The following RBFOX1 variants were observed in gnomAD, a reference collection of about 807,000 sequenced individuals.
RBFOX1 encodes RNA binding protein fox-1 homolog 1.
RBFOX1 carries 8 observed loss-of-function variants against 57.7 expected under a neutral mutation model. The ratio of observed to expected loss-of-function variants is 0.14; its 90% CI spans 0.08 to 0.25. The LOEUF (loss-of-function observed/expected upper bound fraction) is 0.25. Among genes scored for constraint, RBFOX1 ranks in the 10% least tolerant of loss-of-function variants. RBFOX1 has a pLI of 1.00. For missense variants in RBFOX1, 611 were observed against 548.5 expected (o/e 1.11, Z -1.14); for synonymous variants, 326 against 222.4 (o/e 1.47, Z -4.15).
At position 6,643,314 on chromosome 16, in the gene RBFOX1, T is replaced by C. The variant is rs1335556680; in HGVS notation, c.-63-11289T>C. Among the ~76,000 whole-genome samples, 6 of 152,176 alleles carry C rather than the reference T, an allele frequency of 3.9e-5. 1 individual carries two copies. Among genetic ancestry groups the C allele is most frequent in the African/African-American group, 1.4e-4 (6 of 41,442 alleles). ...GTGATATTGCAGGTGCTGAGCTAAT[T>C]TGTGAATGGAAAAGGAAGTGAATAA... On this transcript the variant is annotated intron_variant, in intron 2 of 15. Transcript: ENST00000550418.
At chr16:7,545,557 G>C (rs1178182589) in intron 5 of RBFOX1, among the ~76,000 whole-genome samples, 3 of 152,136 alleles carry the variant, frequency 2.0e-5, no homozygotes. Flanking sequence ...ATTTCTTAGA[G>C]CTTAGGTAGA....
chr16:5,290,697 G>T (rs1366236811), intron 1 of RBFOX1, among the ~76,000 whole-genome samples: 1 of 108,968 alleles, frequency 9.2e-6, no homozygotes, highest in Non-Finnish European at 2.0e-5. Context: ...GCAGATTTAA[G>T]GGACTTTTTT....
At chr16:5,353,980 C>T (rs1176482185) in intron 1 of RBFOX1, among the ~76,000 whole-genome samples, 2 of 152,044 alleles carry the variant, frequency 1.3e-5, no homozygotes, top group South Asian at 2.1e-4. Flanking sequence ...GGAGGGGCCA[C>T]TAGCTCAGCT....
intron 3 of RBFOX1, among the ~76,000 whole-genome samples, chr16:6,677,828 C>T (rs2058003294): frequency 6.6e-6 from 1 of 152,094 alleles, no homozygotes; most frequent in South Asian, 2.1e-4. Context: ...TATGTATCTA[C>T]CAGTGACTTT....
intron 4 of RBFOX1, among the ~76,000 whole-genome samples, chr16:7,270,982 A>G (rs1294755709): frequency 6.6e-6 from 1 of 152,172 alleles, no homozygotes; most frequent in Non-Finnish European, 1.5e-5. Context: ...GAAGACACAC[A>G]TGTGCAAGTT....
chr16:6,738,216 A>G (rs1322697604), intron 3 of RBFOX1, among the ~76,000 whole-genome samples: 1 of 152,192 alleles, frequency 6.6e-6, no homozygotes, highest in African/African-American at 2.4e-5. Flanking sequence ...TACATCAAAT[A>G]GTAATGGACA....
chr16:6,959,378 AGAAAGTCG>A (rs1268091238), intron 3 of RBFOX1, among the ~76,000 whole-genome samples: 36 of 152,350 alleles, frequency 2.4e-4, no homozygotes, highest in Admixed American at 2.0e-3. Flanking sequence ...ATGGATTTTC[AGAAAGTCG>A]TTTTGTGGGG....
intron 4 of RBFOX1, among the ~76,000 whole-genome samples, chr16:7,221,371 A>ATTTG (rs1482766881): frequency 2.0e-5 from 2 of 100,864 alleles, no homozygotes; most frequent in Admixed American, 2.0e-4. Context: ...TTATTTTTTT[A>ATTTG]TTTATTTATT....
At chr16:6,400,622 G>A (rs2093030268) in intron 2 of RBFOX1, among the ~76,000 whole-genome samples, 1 of 152,192 alleles carries the variant, frequency 6.6e-6, no homozygotes, top group Non-Finnish European at 1.5e-5. Flanking sequence ...TGTAGCTCAT[G>A]CCTGTAATCC....
intron 4 of RBFOX1, among the ~76,000 whole-genome samples, chr16:7,439,678 C>G (rs938007684): frequency 1.3e-5 from 2 of 152,196 alleles, no homozygotes; most frequent in Admixed American, 6.5e-5. Context: ...TTTAAAGGCA[C>G]TATTCATGCA....
intron 3 of RBFOX1, among the ~76,000 whole-genome samples, chr16:5,658,318 C>T (rs1049324431): frequency 5.3e-4 from 80 of 152,288 alleles, no homozygotes; most frequent in African/African-American, 1.8e-3. Flanking sequence ...GCAAACTCCT[C>T]GTTGCAGTCC....
chr16:7,581,929 C>A (rs1180637663), intron 6 of RBFOX1, among the ~76,000 whole-genome samples: 1 of 151,958 alleles, frequency 6.6e-6, no homozygotes, highest in African/African-American at 2.4e-5. Context: ...GTTGTCCAGG[C>A]TGCTCACAAA....
At chr16:5,576,633 G>A (rs575575094) in intron 2 of RBFOX1, among the ~76,000 whole-genome samples, 7 of 152,332 alleles carry the variant, frequency 4.6e-5, no homozygotes, top group African/African-American at 1.4e-4. Flanking sequence ...TCCATTTTCC[G>A]CTGGTTTTGG....
chr16:6,506,836 G>A (rs1598450712), intron 2 of RBFOX1, among the ~76,000 whole-genome samples: 1 of 151,900 alleles, frequency 6.6e-6, no homozygotes, highest in Non-Finnish European at 1.5e-5. Context: ...TTAGTAGAGA[G>A]AGGGTTTGGC....
At chr16:6,757,856 C>T (rs535591635) in intron 3 of RBFOX1, among the ~76,000 whole-genome samples, 1 of 152,174 alleles carries the variant, frequency 6.6e-6, no homozygotes, top group Non-Finnish European at 1.5e-5. Flanking sequence ...CCCAATTACC[C>T]TGATCATAAC....
intron 4 of RBFOX1, among the ~76,000 whole-genome samples, chr16:7,307,273 A>G (rs936056740): frequency 1.3e-5 from 2 of 152,212 alleles, no homozygotes; most frequent in Non-Finnish European, 1.5e-5. Flanking sequence ...TCCAATAACT[A>G]AGGAAAATGA....
intron 4 of RBFOX1, among the ~76,000 whole-genome samples, chr16:7,510,730 C>G (rs939525120): frequency 4.6e-5 from 7 of 152,132 alleles, no homozygotes; most frequent in South Asian, 2.1e-4. Context: ...TGCTCCTAAA[C>G]TAAAGTAAAA....
chr16:5,915,205 G>T (rs1266307735), intron 4 of RBFOX1, among the ~76,000 whole-genome samples: 1 of 152,194 alleles, frequency 6.6e-6, no homozygotes, highest in African/African-American at 2.4e-5. Flanking sequence ...TACATCCTCT[G>T]ATGAGTGAAC....
chr16:5,875,401 G>A (rs1443195087), intron 4 of RBFOX1, among the ~76,000 whole-genome samples: 2 of 152,148 alleles, frequency 1.3e-5, no homozygotes, highest in Non-Finnish European at 2.9e-5. Flanking sequence ...CCAGTGAGTG[G>A]TGAAACTCGG....
Sources: allele counts gnomAD v4.1 joint callset (sites outside exome capture counted in the v4.1 genomes callset), GRCh38; gene constraint gnomAD v4.1.1; transcripts MANE v1.5; gene names NCBI Gene and HGNC (gene_info 2026-07-23, HGNC 2026-07-21).